Variants in PCDH15 observed in about 807,000 individuals in gnomAD.
PCDH15 encodes the protein protocadherin related 15.
Under a neutral mutation model 178.5 loss-of-function variants are expected in PCDH15, and 129 were observed. The observed-to-expected ratio is 0.72, with a 90% CI of 0.63 to 0.84. The LOEUF (loss-of-function observed/expected upper bound fraction) is 0.84. PCDH15 is among the 40% of genes least tolerant of loss of function. The probability of loss-of-function intolerance (pLI) is 0.00; values close to 1 mark genes in which losing one functional copy is unlikely to be tolerated. For missense variants in PCDH15, 2,230 were observed against 2,099.9 expected, an observed-to-expected ratio of 1.06 and a Z score of -1.21; for synonymous variants, 800 against 732.0, an observed-to-expected ratio of 1.09 and a Z score of -1.50.
intron 2 of PCDH15, among the ~76,000 whole-genome samples, chr10:54,578,912 G>A (rs1004329630): frequency 6.6e-6 from 1 of 152,168 alleles, no homozygotes; most frequent in East Asian, 1.9e-4. Flanking sequence ...TTGTAAGGAA[G>A]GGATAAATAA....
chr10:55,059,465 C>T (rs1273362027), intron 2 of PCDH15, among the ~76,000 whole-genome samples: 4 of 152,038 alleles, frequency 2.6e-5, no homozygotes, highest in Admixed American at 6.6e-5. Flanking sequence ...AATTTTAATC[C>T]ATTATAGTTG....
chr10:53,919,230 C>A (rs987732874), intron 25 of PCDH15, among the ~76,000 whole-genome samples: 2 of 152,118 alleles, frequency 1.3e-5, no homozygotes, highest in Non-Finnish European at 2.9e-5. Context: ...ATAGATGTCT[C>A]AAGAGAAGGG....
chr10:54,667,297 T>C (rs572677040), intron 1 of PCDH15, among the ~76,000 whole-genome samples: 1 of 152,018 alleles, frequency 6.6e-6, no homozygotes, highest in Non-Finnish European at 1.5e-5. Context: ...ATCAACCCGA[T>C]ACCCCAAAAC....
chr10:55,132,709 T>A (rs1370671532), intron 2 of PCDH15, among the ~76,000 whole-genome samples: 1 of 152,182 alleles, frequency 6.6e-6, no homozygotes, highest in East Asian at 1.9e-4. Flanking sequence ...TAAAAATACA[T>A]CCATTCAAAT....
intron 2 of PCDH15, among the ~76,000 whole-genome samples, chr10:55,356,128 T>C (rs1309677748): frequency 6.6e-6 from 1 of 151,926 alleles, no homozygotes; most frequent in Non-Finnish European, 1.5e-5. Flanking sequence ...TTTGAAGTCA[T>C]TATTAACTGC....
intron 5 of PCDH15, among the ~76,000 whole-genome samples, chr10:54,357,568 C>T (rs78858661): frequency 0.054 from 8,187 of 151,952 alleles, 255 homozygotes; most frequent in Admixed American, 0.099. Context: ...GAATCAATAT[C>T]GTGAAAATGG....
chr10:54,512,294 C>A (rs2081758201), intron 3 of PCDH15, among the ~76,000 whole-genome samples: 1 of 144,264 alleles, frequency 6.9e-6, no homozygotes, highest in African/African-American at 2.6e-5. Context: ...TTTCAGGAAA[C>A]CTATCATAGC....
chr10:54,521,747 G>T (rs2082887754), intron 3 of PCDH15, among the ~76,000 whole-genome samples: 1 of 152,078 alleles, frequency 6.6e-6, no homozygotes, highest in South Asian at 2.1e-4. Flanking sequence ...GAGCCAAATT[G>T]AATGACTTAA....
chr10:55,459,041 G>A (rs113955236), intron 2 of PCDH15, among the ~76,000 whole-genome samples: 46 of 151,990 alleles, frequency 3.0e-4, no homozygotes, highest in African/African-American at 9.6e-4. Context: ...ATGCACAATT[G>A]CTGGTGCTAG....
At chr10:54,853,334 T>TAC (rs1564570428) in intron 3 of PCDH15, among the ~76,000 whole-genome samples, 4 of 94,174 alleles carry the variant, frequency 4.2e-5, no homozygotes, top group South Asian at 3.7e-4. Flanking sequence ...CACACACATA[T>TAC]ACATATATAT....
intron 1 of PCDH15, among the ~76,000 whole-genome samples, chr10:54,725,552 T>TTATA (rs35808465): frequency 1.7e-5 from 2 of 114,918 alleles, no homozygotes; most frequent in Admixed American, 9.5e-5. Context: ...ATATATATAA[T>TTATA]TATATATATA....
At chr10:55,199,673 C>T (rs1275729884) in intron 1 of PCDH15, among the ~76,000 whole-genome samples, 2 of 152,102 alleles carry the variant, frequency 1.3e-5, no homozygotes, top group African/African-American at 4.8e-5. Flanking sequence ...CCATCACAGA[C>T]CTGGGGACCT....
intron 2 of PCDH15, among the ~76,000 whole-genome samples, chr10:54,932,457 A>G (rs1308429544): frequency 6.6e-6 from 1 of 152,228 alleles, no homozygotes. Context: ...ATGTTAAAAA[A>G]TTTAAAAGTT....
chr10:55,475,455 C>G (rs570508543), intron 2 of PCDH15, among the ~76,000 whole-genome samples: 1 of 152,168 alleles, frequency 6.6e-6, no homozygotes, highest in South Asian at 2.1e-4. Context: ...TTTAGATGTA[C>G]CTGTATTGTT....
Position 55,127,759 on chromosome 10 carries a change from A to T in PCDH15, c.-80+38817T>A, listed in dbSNP as rs1231628577. Among the ~76,000 whole-genome samples the T allele has an allele frequency of 3.9e-5, 6 of 152,060 alleles. No homozygotes were observed. In the East Asian group the frequency reaches 1.2e-3, roughly 29 times the overall value. ...GTTATGATTATCAGATTTTGCAGCA[A>T]TATTTCTTGCAATCATTTACGTATA... On this transcript the variant is annotated intron_variant, in intron 2 of 5. Coordinates refer to the PCDH15 transcript ENST00000458638.
intron 21 of PCDH15, among the ~76,000 whole-genome samples, chr10:53,983,425 T>G (rs184767591): frequency 2.0e-5 from 3 of 152,130 alleles, no homozygotes; most frequent in African/African-American, 4.8e-5. Context: ...TGTGCTTTTT[T>G]TACTTCTTCC....
intron 1 of PCDH15, among the ~76,000 whole-genome samples, chr10:55,271,072 TG>T (rs1159909337): frequency 1.3e-5 from 2 of 151,902 alleles, no homozygotes; most frequent in African/African-American, 4.8e-5. Flanking sequence ...CATTCATAAG[TG>T]GGAGCTGAAC....
chr10:53,828,814 C>T (rs528569592), intron 30 of PCDH15, among the ~76,000 whole-genome samples: 1 of 152,124 alleles, frequency 6.6e-6, no homozygotes, highest in African/African-American at 2.4e-5. Flanking sequence ...AAGAAATGAA[C>T]TACATAGAAT....
intron 2 of PCDH15, among the ~76,000 whole-genome samples, chr10:54,532,973 G>T (rs908967019): frequency 1.3e-5 from 2 of 152,162 alleles, no homozygotes; most frequent in African/African-American, 4.8e-5. Context: ...ATGGTATCCT[G>T]TCCAAGGTGG....
Sources: allele counts gnomAD v4.1 joint callset (sites outside exome capture counted in the v4.1 genomes callset), GRCh38; gene constraint gnomAD v4.1.1; transcripts MANE v1.5; gene names NCBI Gene and HGNC (gene_info 2026-07-23, HGNC 2026-07-21).